CYP4A11: variants seen among roughly 807,000 people sequenced by gnomAD.
CYP4A11 encodes the protein cytochrome P450 4A11.
In CYP4A11, 52 loss-of-function variants were observed where a neutral mutation model predicts 57.7. The ratio of observed to expected loss-of-function variants is 0.90; its 90% CI spans 0.72 to 1.14. The LOEUF (loss-of-function observed/expected upper bound fraction) is 1.14, where lower values mean the gene tolerates loss of function less well. CYP4A11 is among the 50% of genes most tolerant of loss of function. The pLI is 0.00. For synonymous variants in CYP4A11, 228 were observed against 247.1 expected (o/e 0.92, Z 0.72); for missense variants, 641 against 642.1 (o/e 1.00, Z 0.02).
At position 46,934,999 on chromosome 1, in the gene CYP4A11, C is replaced by A. The variant is rs748507302; in HGVS notation, c.790+1G>T. Reference sequence around the variant, plus strand: ...TGGGAGACAAGAGGAAAAGACAGAACCTGTGTGCTGATGGGCCAGCTGGCA... The same window carrying A: ...TGGGAGACAAGAGGAAAAGACAGAAACTGTGTGCTGATGGGCCAGCTGGCA... On this transcript the variant is annotated splice_donor_variant, in intron 6 of 11. Coordinates refer to ENST00000310638, the MANE Select transcript of CYP4A11 (RefSeq NM_000778.4). LOFTEE classifies it high-confidence loss of function. 5.0e-6 allele frequency: 8 copies of A among 1,613,470 alleles called. No homozygotes were observed. Among genetic ancestry groups the A allele is most frequent in the Non-Finnish European group, 6.8e-6 (8 of 1,179,704 alleles).
chr1:46,932,092 C>T, intron 11 of CYP4A11: 1 of 980,970 alleles, frequency 1.0e-6, no homozygotes, highest in Non-Finnish European at 1.2e-6. Flanking sequence ...AAGGCATGTA[C>T]AGAATTTGTC....
chr1:46,937,272 G>T (rs777712632), intron 3 of CYP4A11, 30 bp downstream of exon 3: 1 of 1,610,934 alleles, frequency 6.2e-7, no homozygotes. Flanking sequence ...TGACTAGGGA[G>T]TGGGCTGCAG....
Position 46,937,312 on chromosome 1 carries a change from A to G in CYP4A11, c.372T>C (p.Ala124=), listed in dbSNP as rs746073306. Residue 124 remains alanine, a synonymous_variant, in exon 3 of 12, where the codon GCT becomes GCC. Coordinates refer to ENST00000310638, the MANE Select transcript of CYP4A11 (RefSeq NM_000778.4). ...PKSHGSYRFL[A]PWIGYGLLLL... Reference sequence around the variant, plus strand: ...AGTTTGCACACATACCAATCCATGGAGCCAGGAATCTGTAGGAACCATGGG... The same window carrying G: ...AGTTTGCACACATACCAATCCATGGGGCCAGGAATCTGTAGGAACCATGGG... The G allele has an allele frequency of 6.2e-6, 10 of 1,614,102 alleles. No homozygotes were observed. Among genetic ancestry groups the G allele is most frequent in the African/African-American group, 1.3e-5 (1 of 75,028 alleles).
Position 46,930,354 on chromosome 1 carries a change from C to G in CYP4A11, c.1365-44G>C, listed in dbSNP as rs9333034. The G allele has an allele frequency of 2.0e-3, 3,066 of 1,568,330 alleles. 57 individuals carry two copies. The African/African-American group carries it at 0.036, about 19-fold the overall frequency. ...ATGAATTGAGAAGTGTCCTCAGGCC[C>G]CATTCTGATCTGAGCAGGTTTTGGC... On this transcript the variant is annotated intron_variant, in intron 11 of 11. Coordinates refer to ENST00000310638, the MANE Select transcript of CYP4A11 (RefSeq NM_000778.4).
chr1:46,935,746 TG>T (rs1349866244), intron 4 of CYP4A11, 99 bp from the exon 5 acceptor site: 9 of 1,543,402 alleles, frequency 5.8e-6, no homozygotes, highest in Admixed American at 3.8e-5. Context: ...TGTTTTTTCC[TG>T]TAGCATGCAG....
chr1:46,935,765 G>A (rs1482629299), intron 4 of CYP4A11, 118 bp from the exon 5 acceptor site: 1 of 1,523,406 alleles, frequency 6.6e-7, no homozygotes, highest in African/African-American at 1.4e-5. Flanking sequence ...CAGATATCTT[G>A]GTTGGGATTC....
chr1:46,936,380 A>G (rs1312755472), intron 4 of CYP4A11, among the ~76,000 whole-genome samples: 1 of 152,224 alleles, frequency 6.6e-6, no homozygotes, highest in Non-Finnish European at 1.5e-5. Context: ...ATACTCCTCC[A>G]GTCCCTTGTG....
chr1:46,930,286 G>T lies in CYP4A11; in HGVS notation c.1389C>A (p.Ala463=). 6.2e-7 allele frequency: 1 copy of T among 1,613,480 alleles called. No individual in the cohort carries two copies. The highest frequency in any genetic ancestry group is 8.5e-7 in the Non-Finnish European group (1 of 1,179,670). The change falls in exon 12 of 12, where the codon GCC becomes GCA. Residue 463 remains alanine (A), a synonymous_variant. Transcript: ENST00000310638. ...CCGTGGCCACCTTCAGCTCGTTCATGGCAAATTGTTTCCCGATGCAGTTCC... is the reference window on the plus strand; with the variant it reads ...CCGTGGCCACCTTCAGCTCGTTCATTGCAAATTGTTTCCCGATGCAGTTCC... ...GSRNCIGKQF[A]MNELKVATAL...
Position 46,934,321 on chromosome 1 carries a change from C to A in CYP4A11, c.943G>T (p.Val315Leu), listed in dbSNP as rs1681237661. 17 of 1,605,778 alleles carry A rather than the reference C, an allele frequency of 1.1e-5. No individual in the cohort carries two copies. The highest frequency in any genetic ancestry group is 1.2e-5 in the Non-Finnish European group (14 of 1,175,816). Residue 315 changes from valine (V) to leucine (L), a missense_variant, in exon 8 of 12, where the codon GTG becomes TTG. Coordinates refer to ENST00000310638, the MANE Select transcript of CYP4A11 (RefSeq NM_000778.4). ...TGGCCCTCAAACATGAACGTGTCCA[C>A]CTCAGCACGGAGGTCCTTGTCTGAC... Reference protein sequence around the residue: ...ILSDKDLRAEVDTFMFEGHDT... With the variant: ...ILSDKDLRAELDTFMFEGHDT...
chr1:46,936,815 TTG>T (rs35456301), intron 3 of CYP4A11, 24 bp from the exon 4 acceptor site: 212,027 of 1,430,094 alleles, frequency 0.15, 3,434 homozygotes, highest in Non-Finnish European at 0.16. Context: ...GAATGTGTGT[TTG>T]TGTGTGTGTG....
chr1:46,938,025 T>C lies in CYP4A11; in HGVS notation c.308A>G (p.Asp103Gly). 6.2e-7 allele frequency: 1 copy of C among 1,614,136 alleles called. No homozygotes were observed. Among genetic ancestry groups the C allele is most frequent in the Non-Finnish European group, 8.5e-7 (1 of 1,180,012 alleles). The change falls in exon 2 of 12, where the codon GAC (aspartate) becomes GGC (glycine). Residue 103 changes from aspartate to glycine, a missense_variant. By Grantham distance (94) the Asp-to-Gly change is moderately conservative. Coordinates refer to ENST00000310638, the MANE Select transcript of CYP4A11 (RefSeq NM_000778.4). ...GKVRVQLYDPDYMKVILGRSD... is the reference protein window; with the variant it reads ...GKVRVQLYDPGYMKVILGRSD... ...TCTCCCCAGAATCACCTTCATATAG[T>C]CAGGGTCATAGAGCTGGACACGAAC...
intron 1 of CYP4A11, 114 bp downstream of exon 1, chr1:46,941,125 T>A: frequency 6.8e-7 from 1 of 1,472,654 alleles, no homozygotes; most frequent in Non-Finnish European, 9.0e-7. Context: ...TGGGTGTTCC[T>A]TTGAGTCCTC....
rs1202500101 is a variant in CYP4A11 at position 46,935,068 on chromosome 1, G to A, written c.722C>T (p.Thr241Ile). The A allele has an allele frequency of 3.7e-6, 6 of 1,614,194 alleles. No homozygotes were observed. Among genetic ancestry groups the A allele is most frequent in the Non-Finnish European group, 4.2e-6 (5 of 1,180,036 alleles). ...GCCAGCAGAGGTCAGGCTGTAGATGGTGTCATTCTGGTGAAAGGCATTCCT... is the reference window on the plus strand; with the variant it reads ...GCCAGCAGAGGTCAGGCTGTAGATGATGTCATTCTGGTGAAAGGCATTCCT... ...RVRNAFHQNDTIYSLTSAGRW... is the reference protein window; with the variant it reads ...RVRNAFHQNDIIYSLTSAGRW... Residue 241 changes from threonine (T) to isoleucine (I), a missense_variant, in exon 6 of 12, where the codon ACC becomes ATC. Thr to Ile is a moderately conservative substitution (Grantham distance 89). Coordinates refer to ENST00000310638, the MANE Select transcript of CYP4A11 (RefSeq NM_000778.4).
chr1:46,935,563 T>G lies in CYP4A11; in HGVS notation c.595A>C (p.Lys199Gln). The change falls in exon 5 of 12, where the codon AAG (lysine) becomes CAG (glutamine). Residue 199 changes from lysine to glutamine, a missense_variant. Physicochemically the swap from Lys to Gln is moderately conservative, Grantham distance 53 (BLOSUM62 1). Coordinates refer to ENST00000310638, the MANE Select transcript of CYP4A11 (RefSeq NM_000778.4). ...VSLMTLDTIM[K>Q]CAFSHQGSIQ... ...CTGCCCTGATGGCTGAAGGCACACT[T>G]CATGATGGTGTCCAGGGTCATCAAG... is the stretch of plus-strand genomic sequence containing the variant. The G allele has an allele frequency of 1.2e-6, 2 of 1,613,970 alleles. No individual in the cohort carries two copies. Among genetic ancestry groups the G allele is most frequent in the Non-Finnish European group, 1.7e-6 (2 of 1,179,860 alleles).
intron 9 of CYP4A11, 162 bp downstream of exon 9, chr1:46,933,784 A>G: frequency 7.9e-7 from 1 of 1,265,502 alleles, no homozygotes; most frequent in Non-Finnish European, 1.1e-6. Flanking sequence ...GCTCTCAGCC[A>G]GACTTTTCAA....
rs1453450643 is a variant in CYP4A11 at position 46,929,522 on chromosome 1, T to C, written c.*593A>G. 1.4e-5 allele frequency: 1 copy of C among 71,002 alleles called. No homozygotes were observed. The highest frequency in any genetic ancestry group is 3.8e-5 in the African/African-American group (1 of 26,024). The allele number at this position is 71,002 out of a possible 1,614,324, so 4.4% of individuals were successfully genotyped here. ...CAAACAAAGAAACAGGTGGTGAGAATGTGGGGGTCGAAAGGGCATGTTGCA... is the reference window on the plus strand; with the variant it reads ...CAAACAAAGAAACAGGTGGTGAGAACGTGGGGGTCGAAAGGGCATGTTGCA... On this transcript the variant is annotated 3_prime_UTR_variant, in exon 12 of 12. Transcript: ENST00000310638.
intron 11 of CYP4A11, chr1:46,931,416 G>T: frequency 1.8e-6 from 1 of 559,000 alleles, no homozygotes. Context: ...TGTGTCTGGA[G>T]CACAGGATAT....
chr1:46,935,072 C>T lies in CYP4A11; in HGVS notation c.718G>A (p.Asp240Asn), dbSNP rs143292347. ...SRVRNAFHQNDTIYSLTSAGR... is the reference protein window; with the variant it reads ...SRVRNAFHQNNTIYSLTSAGR... Reference sequence around the variant, plus strand: ...GCAGAGGTCAGGCTGTAGATGGTGTCATTCTGGTGAAAGGCATTCCTCACA... The same window carrying T: ...GCAGAGGTCAGGCTGTAGATGGTGTTATTCTGGTGAAAGGCATTCCTCACA... The change falls in exon 6 of 12, where the codon GAC (aspartate) becomes AAC (asparagine). Residue 240 changes from aspartate to asparagine, a missense_variant. Asp to Asn is a conservative substitution (Grantham distance 23). Transcript: ENST00000310638. The T allele has an allele frequency of 2.5e-6, 4 of 1,614,166 alleles. No homozygotes were observed. Among genetic ancestry groups the T allele is most frequent in the Admixed American group, 3.3e-5 (2 of 60,018 alleles).
rs1329653997 is a variant in CYP4A11, at chr1:46,932,717, C to A, written c.1364+44G>T. The A allele has an allele frequency of 1.9e-6, 3 of 1,613,582 alleles. No homozygotes were observed. The African/African-American group carries it at 4.0e-5, about 22-fold the overall frequency. On this transcript the variant is annotated intron_variant, in intron 11 of 11. Transcript: ENST00000310638. ...CAAAGATCAGAGGGTTGACCAGAGA[C>A]TTCCCTCATTCCTCTATTCGAATTA...
Sources: allele counts gnomAD v4.1 joint callset (sites outside exome capture counted in the v4.1 genomes callset), GRCh38; gene constraint gnomAD v4.1.1; transcripts MANE v1.5; gene names NCBI Gene and HGNC (gene_info 2026-07-23, HGNC 2026-07-21).